The following ILDR2 variants were observed in gnomAD, a reference collection of about 807,000 sequenced individuals.
The protein encoded by ILDR2 is immunoglobulin like domain containing receptor 2.
A neutral mutation model predicts 66.8 loss-of-function variants in ILDR2; 25 were observed. The observed-to-expected ratio is 0.37, with a 90% CI of 0.27 to 0.52. ILDR2 has a LOEUF of 0.52. ILDR2 is among the 20% of genes least tolerant of loss of function. The pLI is 0.88. For missense variants in ILDR2, 827 were observed against 876.8 expected (o/e 0.94, Z 0.72); for synonymous variants, 367 against 357.2 (o/e 1.03, Z -0.31).
In ILDR2 at chr1:166,936,782, C is replaced by G; in HGVS notation, c.557-45G>C. The stretch of plus-strand genomic sequence containing the variant: ...AATCCACACTCGAGGCAGCCCACCT[C>G]CAGGGCAGGGTGCACTTTGATTGGC... On this transcript the variant is annotated intron_variant, in intron 4 of 9. Transcript: ENST00000271417. This position sits in a 1 kb window ranked among gnomAD's most constrained non-coding sequence, Gnocchi z 5.0. 3 of 1,602,276 alleles carry G rather than the reference C, an allele frequency of 1.9e-6. No homozygotes were observed. Among genetic ancestry groups the G allele is most frequent in the East Asian group, 4.5e-5 (2 of 44,646 alleles).
At chr1:166,958,147 C>A in intron 1 of ILDR2, 46 bp from the exon 2 acceptor site, 1 of 1,491,674 alleles carries the variant, frequency 6.7e-7, no homozygotes. Flanking sequence ...ATATCCTGGA[C>A]CTCACCTTCC....
intron 3 of ILDR2, among the ~76,000 whole-genome samples, chr1:166,944,697 C>T (rs1208871722): frequency 6.6e-6 from 1 of 152,180 alleles, no homozygotes; most frequent in Non-Finnish European, 1.5e-5. Context: ...CTCAGATAAG[C>T]ATTTCAGTTG....
At chr1:166,955,618 T>C (rs1662233649) in intron 3 of ILDR2, among the ~76,000 whole-genome samples, 1 of 152,040 alleles carries the variant, frequency 6.6e-6, no homozygotes. Context: ...TAAAATCAAA[T>C]AAAATAATTT....
chr1:166,896,439 C>G (rs573773045), intron 2 of ILDR2, among the ~76,000 whole-genome samples: 1 of 152,000 alleles, frequency 6.6e-6, no homozygotes, highest in South Asian at 2.1e-4. Context: ...TGCTATTGAA[C>G]AAGACAGTCA....
At chr1:166,948,384 T>G (rs1661765901) in intron 3 of ILDR2, among the ~76,000 whole-genome samples, 1 of 152,186 alleles carries the variant, frequency 6.6e-6, no homozygotes, top group African/African-American at 2.4e-5. Context: ...AGTCACCCTA[T>G]CTAAAGTCTT....
chr1:166,932,621 C>T (rs139053296), intron 6 of ILDR2, among the ~76,000 whole-genome samples: 17 of 152,248 alleles, frequency 1.1e-4, no homozygotes, highest in African/African-American at 3.9e-4. Context: ...GGCAGTCTTC[C>T]TGCATGGTAA....
At chr1:166,962,447 T>C (rs79869694) in intron 1 of ILDR2, among the ~76,000 whole-genome samples, 2 of 152,288 alleles carry the variant, frequency 1.3e-5, no homozygotes, top group East Asian at 3.9e-4. Flanking sequence ...GGGTTGGGTA[T>C]TGTTTCCTAT....
chr1:166,958,029 A>G lies in ILDR2; in HGVS notation c.119T>C (p.Leu40Pro). 1 of 1,614,098 alleles carries G rather than the reference A, an allele frequency of 6.2e-7. No homozygotes were observed. Among genetic ancestry groups the G allele is most frequent in the Non-Finnish European group, 8.5e-7 (1 of 1,180,000 alleles). ...GGAGGATGTTGAGAAGTGGCAGCGA[A>G]GCACAGTGGGCTGGAAGAGCATGGC... ...KVAMLFQPTVLRCHFSTSSHQ... is the reference protein window; with the variant it reads ...KVAMLFQPTVPRCHFSTSSHQ... The change falls in exon 2 of 10, where the codon CTT becomes CCT. Residue 40 changes from leucine (L) to proline (P), a missense_variant. Leu to Pro is a moderately conservative substitution (Grantham distance 98). Transcript: ENST00000271417.
At chr1:166,953,264 C>T (rs560011237) in intron 3 of ILDR2, among the ~76,000 whole-genome samples, 148 of 152,212 alleles carry the variant, frequency 9.7e-4, no homozygotes, top group African/African-American at 3.3e-3. Context: ...AGATCTAATC[C>T]GATTCCTCTA....
At chr1:166,960,130 A>G (rs1662523179) in intron 1 of ILDR2, among the ~76,000 whole-genome samples, 2 of 152,258 alleles carry the variant, frequency 1.3e-5, no homozygotes, top group Non-Finnish European at 2.9e-5. Flanking sequence ...TCTCTATTCA[A>G]TGAAAGGAAC....
intron 7 of ILDR2, among the ~76,000 whole-genome samples, chr1:166,925,008 C>T (rs981271205): frequency 6.6e-6 from 1 of 151,890 alleles, no homozygotes; most frequent in Non-Finnish European, 1.5e-5. Context: ...AGAGCAAGAC[C>T]TTGTCTCAAA....
intron 3 of ILDR2, among the ~76,000 whole-genome samples, chr1:166,940,760 C>T (rs1320442110): frequency 1.3e-5 from 2 of 152,176 alleles, no homozygotes; most frequent in African/African-American, 4.8e-5. Flanking sequence ...TATTGGACAG[C>T]ACAGCTCTGG....
rs553042689 is a variant in ILDR2, at chr1:166,944,298, A to T, written c.500-4728T>A. Among the ~76,000 whole-genome samples, 5 of 152,308 alleles carry T rather than the reference A, an allele frequency of 3.3e-5. No individual in the cohort carries two copies. The South Asian group carries it at 1.0e-3, about 32-fold the overall frequency. On this transcript the variant is annotated intron_variant, in intron 3 of 9. Transcript: ENST00000271417. Reference sequence around the variant, plus strand: ...TGGAATGTCTCTCATTTATTCATTCATCATTCATTCATTCAACAAAGAAAT... The same window carrying T: ...TGGAATGTCTCTCATTTATTCATTCTTCATTCATTCATTCAACAAAGAAAT...
chr1:166,955,569 A>G (rs1557951820), intron 3 of ILDR2, among the ~76,000 whole-genome samples: 1 of 152,186 alleles, frequency 6.6e-6, no homozygotes, highest in Non-Finnish European at 1.5e-5. Context: ...AGCCACTGCA[A>G]TCCATCCTGG....
rs557851437 is a variant in ILDR2 at position 166,918,380 on chromosome 1, T to G, written c.*975A>C. On this transcript the variant is annotated 3_prime_UTR_variant, in exon 10 of 10. Transcript: ENST00000271417. ...GGTGAAATGGTCCACATTCAAAATA[T>G]AATGAGATGATGTTATTTCCCTTTT... The G allele has an allele frequency of 6.6e-6, 1 of 152,350 alleles. No individual in the cohort carries two copies. Among genetic ancestry groups the G allele is most frequent in the Admixed American group, 6.5e-5 (1 of 15,306 alleles). 9.4% of individuals were successfully genotyped at this position (152,350 alleles called of 1,614,324 possible). A position where few individuals can be genotyped will look rare whatever the true frequency, so the allele number is the denominator to read the frequency against.
intron 9 of ILDR2, 85 bp downstream of exon 9, chr1:166,920,622 C>T (rs1416915491): frequency 2.3e-6 from 3 of 1,305,884 alleles, no homozygotes; most frequent in East Asian, 3.1e-5. Context: ...GCCACCTCCC[C>T]GGCCCCCAGA....
At chr1:166,972,173 A>G (rs1051710025) in intron 1 of ILDR2, among the ~76,000 whole-genome samples, 1 of 151,950 alleles carries the variant, frequency 6.6e-6, no homozygotes, top group African/African-American at 2.4e-5. Context: ...GATGGTGCCA[A>G]TGCACTCTGG....
chr1:166,937,481 C>G (rs1029753866), intron 4 of ILDR2, among the ~76,000 whole-genome samples: 1 of 152,256 alleles, frequency 6.6e-6, no homozygotes, highest in Non-Finnish European at 1.5e-5. Context: ...AGGCAGCCAA[C>G]ATAGCCAAGG....
In ILDR2 at chr1:166,909,751, A is replaced by ATT. The variant is rs1365518651; in HGVS notation, c.*9603_*9604insAA. 2.8e-5 allele frequency: 2 copies of ATT among 71,160 alleles called. No homozygotes were observed. The highest frequency in any genetic ancestry group is 4.8e-5 in the Non-Finnish European group (2 of 41,784). 4.4% of individuals were successfully genotyped at this position (71,160 alleles called of 1,614,324 possible). On this transcript the variant is annotated 3_prime_UTR_variant, in exon 10 of 10. Coordinates refer to ENST00000271417, the MANE Select transcript of ILDR2 (RefSeq NM_199351.3). ...TGTATACATACATATATATATATAT[A>ATT]TATATATAAATATATATAAATATAT...
Sources: gnomAD v4.1 joint callset for allele counts (sites outside exome capture counted in the v4.1 genomes callset) on GRCh38, gnomAD v4.1.1 for gene constraint, Gnocchi (gnomAD v3.1) non-coding constraint, MANE v1.5 for transcripts, NCBI Gene and HGNC (gene_info 2026-07-23, HGNC 2026-07-21) for gene names.